Variants in ESF1 observed in about 807,000 individuals in gnomAD.
ESF1 encodes the protein ESF1 homolog.
ESF1 carries 58 observed loss-of-function variants against 92.0 expected under a neutral mutation model. That is an observed-to-expected ratio of 0.63 (90% CI 0.51 to 0.78). The LOEUF is 0.78. ESF1 is among the 30% of genes least tolerant of loss of function. ESF1 has a pLI of 0.00. For missense variants in ESF1, 922 were observed against 989.1 expected, an observed-to-expected ratio of 0.93 and a Z score of 0.91; for synonymous variants, 321 against 313.7, an observed-to-expected ratio of 1.02 and a Z score of -0.24.
intron 9 of ESF1, among the ~76,000 whole-genome samples, chr20:13,750,045 C>T (rs553281838): frequency 4.1e-4 from 62 of 152,276 alleles, no homozygotes; most frequent in Admixed American, 2.7e-3. Flanking sequence ...ACCTCAATTC[C>T]GAAAATTACC....
chr20:13,715,169 T>C lies in ESF1; in HGVS notation c.2263-2A>G. 1 of 1,450,068 alleles carries C rather than the reference T, an allele frequency of 6.9e-7. No individual in the cohort carries two copies. The highest frequency in any genetic ancestry group is 1.4e-5 in the African/African-American group (1 of 69,232). 89.8% of individuals were successfully genotyped at this position (1,450,068 alleles called of 1,614,324 possible). A position where few individuals can be genotyped will look rare whatever the true frequency, so the allele number is the denominator to read the frequency against. On this transcript the variant is annotated splice_acceptor_variant, in intron 13 of 13. Coordinates refer to ENST00000617257, the MANE Select transcript of ESF1 (RefSeq NM_001276380.2). LOFTEE classifies it high-confidence loss of function. ...AAACCGTGCATCGTTAACATTTACC[T>C]GCAAATCCAAAAAAAAAAAAAATTA...
At chr20:13,740,067 G>A (rs2050001490) in intron 9 of ESF1, among the ~76,000 whole-genome samples, 2 of 152,142 alleles carry the variant, frequency 1.3e-5, no homozygotes, top group African/African-American at 4.8e-5. Flanking sequence ...ACAAACCCCT[G>A]GGTTTGTGGC....
chr20:13,773,702 T>C (rs1449173364), intron 4 of ESF1, among the ~76,000 whole-genome samples: 2 of 152,176 alleles, frequency 1.3e-5, no homozygotes, highest in African/African-American at 4.8e-5. Context: ...AATGTTTAGA[T>C]ATTGTAACTT....
chr20:13,782,517 T>G lies in ESF1; in HGVS notation c.624A>C (p.Arg208Ser), dbSNP rs1980237875. 6.6e-7 allele frequency: 1 copy of G among 1,514,534 alleles called. No homozygotes were observed. The highest frequency in any genetic ancestry group is 1.4e-5 in the African/African-American group (1 of 70,044). 93.8% of individuals were successfully genotyped at this position (1,514,534 alleles called of 1,614,324 possible). A position where few individuals can be genotyped will look rare whatever the true frequency, so the allele number is the denominator to read the frequency against. ...SPRIECSKTR[R>S]EMQSVVQLIM... ...TTTCCAACCTACCTGATTGCATTTC[T>G]CTTCTTGTCTTAGAACACTCGATTC... The change falls in exon 2 of 14, where the codon AGA (arginine) becomes AGC (serine). Residue 208 changes from arginine to serine, a missense_variant. Arg to Ser is a moderately radical substitution (Grantham distance 110). Transcript: ENST00000617257.
intron 2 of ESF1, among the ~76,000 whole-genome samples, chr20:13,779,556 A>AT: frequency 6.6e-6 from 1 of 152,174 alleles, no homozygotes; most frequent in Admixed American, 6.5e-5. Flanking sequence ...ATTTTTTGAG[A>AT]CAAGGTCTTG....
chr20:13,733,364 T>C (rs2049955964), intron 10 of ESF1, among the ~76,000 whole-genome samples: 1 of 152,206 alleles, frequency 6.6e-6, no homozygotes, highest in African/African-American at 2.4e-5. Context: ...TCTATGTGCA[T>C]ATATCCTCAA....
intron 8 of ESF1, among the ~76,000 whole-genome samples, chr20:13,760,228 G>A (rs1290222989): frequency 6.6e-6 from 1 of 151,810 alleles, no homozygotes; most frequent in Non-Finnish European, 1.5e-5. Flanking sequence ...CGTCTGGGAT[G>A]TGAGGAGCCC....
At chr20:13,779,704 T>G (rs1057511293) in intron 2 of ESF1, among the ~76,000 whole-genome samples, 2 of 152,158 alleles carry the variant, frequency 1.3e-5, no homozygotes, top group Admixed American at 6.5e-5. Flanking sequence ...CCAGCTAATT[T>G]TTGTATTTTT....
At chr20:13,738,512 A>G (rs955840290) in intron 9 of ESF1, among the ~76,000 whole-genome samples, 1 of 151,978 alleles carries the variant, frequency 6.6e-6, no homozygotes, top group African/African-American at 2.4e-5. Context: ...CGTAAGTCTC[A>G]CTATGTTGCC....
chr20:13,715,351 C>G (rs1187986839), intron 13 of ESF1, among the ~76,000 whole-genome samples, 184 bp from the exon 14 acceptor site: 3 of 151,912 alleles, frequency 2.0e-5, no homozygotes, highest in Admixed American at 2.0e-4. Context: ...ACCTTTGGAC[C>G]ACAACTTGTG....
intron 6 of ESF1, among the ~76,000 whole-genome samples, 197 bp from the exon 7 acceptor site, chr20:13,770,218 A>G (rs550755786): frequency 6.6e-6 from 1 of 152,320 alleles, no homozygotes; most frequent in South Asian, 2.1e-4. Context: ...TTCATAAGCT[A>G]TAACTCTGTA....
intron 9 of ESF1, among the ~76,000 whole-genome samples, chr20:13,750,641 C>T (rs4814255): frequency 0.98 from 148,734 of 152,350 alleles, 72,683 homozygotes; most frequent in East Asian, 1. Context: ...CTTTCAAAAG[C>T]TAAACAATAA....
chr20:13,731,513 C>T (rs2049942707), intron 10 of ESF1, among the ~76,000 whole-genome samples: 1 of 113,328 alleles, frequency 8.8e-6, no homozygotes, highest in African/African-American at 3.6e-5. Flanking sequence ...GCCTGGGCGA[C>T]AGAGCGAGAC....
At chr20:13,753,860 G>A (rs1284804980) in intron 9 of ESF1, among the ~76,000 whole-genome samples, 1 of 152,158 alleles carries the variant, frequency 6.6e-6, no homozygotes, top group Non-Finnish European at 1.5e-5. Context: ...ATCAAACTTT[G>A]AGCAGTAGGA....
In ESF1 at chr20:13,784,871, C is replaced by T; in HGVS notation, c.-44+9G>A. ...TCGAGCTCTTCAACTCCAGTCCATC[C>T]CCACTCACCGTCCGCAGTCCTACCA... On this transcript the variant is annotated intron_variant, in intron 1 of 13. Coordinates refer to ENST00000617257, the MANE Select transcript of ESF1 (RefSeq NM_001276380.2). The T allele has an allele frequency of 5.0e-6, 3 of 604,490 alleles. No homozygotes were observed. Among genetic ancestry groups the T allele is most frequent in the Non-Finnish European group, 8.8e-6 (3 of 341,178 alleles). The allele number at this position is 604,490 out of a possible 1,614,324, so 37.4% of individuals were successfully genotyped here.
At chr20:13,722,673 G>A (rs1274381962) in intron 11 of ESF1, among the ~76,000 whole-genome samples, 1 of 149,470 alleles carries the variant, frequency 6.7e-6, no homozygotes, top group Non-Finnish European at 1.5e-5. Flanking sequence ...AACAAAGCAA[G>A]ACCCCAGCTC....
intron 8 of ESF1, among the ~76,000 whole-genome samples, chr20:13,762,088 T>C (rs1040635023): frequency 5.3e-5 from 8 of 152,222 alleles, no homozygotes; most frequent in Non-Finnish European, 1.2e-4. Flanking sequence ...TGTATCTTTT[T>C]TAATTTTTAA....
intron 9 of ESF1, among the ~76,000 whole-genome samples, chr20:13,735,997 A>C (rs1422016235): frequency 1.3e-5 from 2 of 152,158 alleles, no homozygotes; most frequent in Non-Finnish European, 2.9e-5. Context: ...ATGACTATCC[A>C]AAGATCATCT....
chr20:13,731,470 T>C (rs1181230223), intron 10 of ESF1, among the ~76,000 whole-genome samples: 1 of 146,192 alleles, frequency 6.8e-6, no homozygotes, highest in Non-Finnish European at 1.5e-5. Context: ...AGGTGGAGCT[T>C]GCAGTGAGCC....
Sources: gnomAD v4.1 joint callset for allele counts (sites outside exome capture counted in the v4.1 genomes callset) on GRCh38, gnomAD v4.1.1 for gene constraint, MANE v1.5 for transcripts, NCBI Gene and HGNC (gene_info 2026-07-23, HGNC 2026-07-21) for gene names.